AGMO: variants seen among roughly 807,000 people sequenced by gnomAD.
The protein encoded by AGMO is glyceryl-ether monooxygenase.
In AGMO, 75 loss-of-function variants were observed where a neutral mutation model predicts 60.2. That is an observed-to-expected ratio of 1.25 (90% CI 1.03 to 1.51). The LOEUF (loss-of-function observed/expected upper bound fraction) is 1.51, where lower values mean the gene tolerates loss of function less well. Ranked by LOEUF, AGMO falls within the 40% of genes most tolerant of loss-of-function variation. AGMO has a pLI of 0.00. For synonymous variants in AGMO, 261 were observed against 177.1 expected (o/e 1.47, Z -3.76); for missense variants, 763 against 525.5 (o/e 1.45, Z -4.42).
intron 12 of AGMO, among the ~76,000 whole-genome samples, chr7:15,353,029 G>C (rs983269985): frequency 2.0e-5 from 3 of 152,068 alleles, no homozygotes; most frequent in East Asian, 3.9e-4. Context: ...ACACTCAGAC[G>C]AAAGGAGGTG....
intron 10 of AGMO, among the ~76,000 whole-genome samples, chr7:15,376,331 G>A (rs1335371178): frequency 1.3e-5 from 2 of 151,970 alleles, no homozygotes; most frequent in African/African-American, 4.8e-5. Context: ...GATCTAATTT[G>A]TGCAGGTGGC....
rs1784487514 is a variant in AGMO at position 15,536,552 on chromosome 7, T to C, written c.409+8220A>G. On this transcript the variant is annotated intron_variant, in intron 3 of 12. Coordinates refer to ENST00000342526, the MANE Select transcript of AGMO (RefSeq NM_001004320.2). Reference sequence around the variant, plus strand: ...GAACCTGCCCCTATTATTATTGTAATTAGTTGTTGATGTCTCTGATTCACA... The same window carrying C: ...GAACCTGCCCCTATTATTATTGTAACTAGTTGTTGATGTCTCTGATTCACA... Among the ~76,000 whole-genome samples the C allele has an allele frequency of 2.0e-5, 3 of 151,982 alleles. No homozygotes were observed. The South Asian group carries it at 6.2e-4, about 32-fold the overall frequency.
chr7:15,294,912 C>T (rs1224850128), intron 12 of AGMO, among the ~76,000 whole-genome samples: 5 of 151,706 alleles, frequency 3.3e-5, no homozygotes, highest in African/African-American at 9.7e-5. Context: ...AATATGAAAA[C>T]ATAATTTTAA....
chr7:15,313,194 C>T (rs1411465949), intron 12 of AGMO, among the ~76,000 whole-genome samples: 3 of 152,098 alleles, frequency 2.0e-5, no homozygotes, highest in African/African-American at 7.2e-5. Flanking sequence ...ACAATAAAGG[C>T]ATGTTTCTCA....
chr7:15,459,945 CA>C (rs1782100714), intron 3 of AGMO, among the ~76,000 whole-genome samples: 1 of 151,940 alleles, frequency 6.6e-6, no homozygotes, highest in Non-Finnish European at 1.5e-5. Context: ...TAAGAATTAT[CA>C]TTCATTGATA....
chr7:15,350,503 C>G (rs1305741084), intron 12 of AGMO, among the ~76,000 whole-genome samples: 2 of 152,028 alleles, frequency 1.3e-5, no homozygotes, highest in African/African-American at 4.8e-5. Flanking sequence ...CTGCTTTTCT[C>G]TTATATTTAG....
At position 15,408,243 on chromosome 7, in the gene AGMO, G is replaced by C. The variant is rs146240500; in HGVS notation, c.609+10315C>G. ...TCTAAGAGCCCTGAAATCTGTTAAT[G>C]AATTTAAGGGTTTTGATTTTATCTT... On this transcript the variant is annotated intron_variant, in intron 5 of 12. Transcript: ENST00000342526. Among the ~76,000 whole-genome samples the C allele has an allele frequency of 9.3e-3, 1,410 of 151,936 alleles. 20 individuals are homozygous for C. The highest frequency in any genetic ancestry group is 0.039 in the South Asian group (186 of 4,824).
intron 12 of AGMO, among the ~76,000 whole-genome samples, chr7:15,223,432 T>C (rs950778460): frequency 1.3e-5 from 2 of 151,990 alleles, no homozygotes; most frequent in East Asian, 3.9e-4. Flanking sequence ...GATTTTCATA[T>C]AGATATAAGA....
At chr7:15,248,209 T>C (rs1195066511) in intron 12 of AGMO, among the ~76,000 whole-genome samples, 4 of 99,062 alleles carry the variant, frequency 4.0e-5, no homozygotes, top group Admixed American at 1.0e-4. Flanking sequence ...TATATATATA[T>C]ATATATATAT....
At chr7:15,297,360 G>C (rs920422253) in intron 12 of AGMO, among the ~76,000 whole-genome samples, 1 of 152,128 alleles carries the variant, frequency 6.6e-6, no homozygotes, top group Non-Finnish European at 1.5e-5. Context: ...TACTATTGTA[G>C]TTATTGGCAT....
At chr7:15,530,285 T>TATTCTATATACGTATTTCCATATAG (rs1784264919) in intron 3 of AGMO, among the ~76,000 whole-genome samples, 1 of 24,074 alleles carries the variant, frequency 4.2e-5, no homozygotes, top group East Asian at 5.7e-3. Flanking sequence ...TATTTCCATA[T>TATTCTATATACGTATTTCCATATAG]ATATTCTATA....
intron 12 of AGMO, among the ~76,000 whole-genome samples, chr7:15,276,185 T>A (rs1783780977): frequency 6.6e-6 from 1 of 152,196 alleles, no homozygotes; most frequent in Non-Finnish European, 1.5e-5. Flanking sequence ...TTCTTTTGCA[T>A]GTTTAGAACT....
At chr7:15,297,877 C>T (rs1401824509) in intron 12 of AGMO, among the ~76,000 whole-genome samples, 1 of 152,054 alleles carries the variant, frequency 6.6e-6, no homozygotes, top group Non-Finnish European at 1.5e-5. Context: ...AACATAAAAT[C>T]CAAATAGCCA....
intron 3 of AGMO, among the ~76,000 whole-genome samples, chr7:15,529,621 A>T (rs1212227579): frequency 1.8e-4 from 1 of 5,696 alleles, no homozygotes; most frequent in African/African-American, 1.5e-3. Flanking sequence ...TATATATAGA[A>T]TATATATATA....
chr7:15,228,996 A>G lies in AGMO; in HGVS notation c.1264-27637T>C, dbSNP rs566284697. Among the ~76,000 whole-genome samples the G allele has an allele frequency of 8.5e-5, 13 of 152,254 alleles. No individual in the cohort carries two copies. In the East Asian group the frequency reaches 2.5e-3, roughly 29 times the overall value. On this transcript the variant is annotated intron_variant, in intron 12 of 12. Coordinates refer to ENST00000342526, the MANE Select transcript of AGMO (RefSeq NM_001004320.2). ...GAGCAGCTGCTTTCAGGATTTAAAT[A>G]AAAACAAGCTGAAACTCCTGCTGTC...
At chr7:15,441,491 C>CT (rs1386660462) in intron 3 of AGMO, among the ~76,000 whole-genome samples, 1 of 152,086 alleles carries the variant, frequency 6.6e-6, no homozygotes, top group Non-Finnish European at 1.5e-5. Flanking sequence ...AGTTCACATG[C>CT]TTTACATAGA....
intron 12 of AGMO, among the ~76,000 whole-genome samples, chr7:15,349,819 A>AGGTC (rs1279237414): frequency 6.6e-6 from 1 of 152,118 alleles, no homozygotes; most frequent in Non-Finnish European, 1.5e-5. Flanking sequence ...TAAAACCATC[A>AGGTC]GGTCTGGTGA....
At chr7:15,509,412 C>T (rs1328013011) in intron 3 of AGMO, among the ~76,000 whole-genome samples, 1 of 151,362 alleles carries the variant, frequency 6.6e-6, no homozygotes, top group East Asian at 1.9e-4. Context: ...TTATCTTACA[C>T]AGTACACAAA....
At chr7:15,310,778 G>A (rs906476526) in intron 12 of AGMO, among the ~76,000 whole-genome samples, 1 of 152,046 alleles carries the variant, frequency 6.6e-6, no homozygotes, top group Admixed American at 6.6e-5. Flanking sequence ...AGTCTGAAAT[G>A]GGCCTCACTG....
Sources: allele counts gnomAD v4.1 joint callset (sites outside exome capture counted in the v4.1 genomes callset), GRCh38; gene constraint gnomAD v4.1.1; transcripts MANE v1.5; gene names NCBI Gene and HGNC (gene_info 2026-07-23, HGNC 2026-07-21).